The following ZSCAN32 variants were observed in gnomAD, a reference collection of about 807,000 sequenced individuals.
ZSCAN32 encodes zinc finger and SCAN domain containing 32.
Under a neutral mutation model 47.4 loss-of-function variants are expected in ZSCAN32, and 52 were observed. The ratio of observed to expected loss-of-function variants is 1.10; its 90% confidence interval spans 0.88 to 1.38. The LOEUF is 1.38. Among genes scored for constraint, ZSCAN32 ranks in the 40% most tolerant of loss-of-function variants. The probability of loss-of-function intolerance (pLI) is 0.00; values close to 1 mark genes in which losing one functional copy is unlikely to be tolerated. For synonymous variants in ZSCAN32, 346 were observed against 305.7 expected, an observed-to-expected ratio of 1.13 and a Z score of -1.38; for missense variants, 959 against 846.0, an observed-to-expected ratio of 1.13 and a Z score of -1.66.
rs2033497286 is a variant in ZSCAN32, at chr16:3,397,579, C to G, written c.-22G>C. 6.7e-7 allele frequency: 1 copy of G among 1,500,600 alleles called. No homozygotes were observed. Among genetic ancestry groups the G allele is most frequent in the Non-Finnish European group, 8.9e-7 (1 of 1,119,838 alleles). The allele number at this position is 1,500,600 out of a possible 1,614,324, so 93.0% of individuals were successfully genotyped here. A position where few individuals can be genotyped will look rare whatever the true frequency, so the allele number is the denominator to read the frequency against. On this transcript the variant is annotated 5_prime_UTR_variant, in exon 2 of 7. Transcript: ENST00000396852. ...TCATTTGCTTCAACGAACTGGCTTA[C>G]TCTGGTTGCCACTTCTACCCTGGAG...
At position 3,384,772 on chromosome 16, in the gene ZSCAN32, G is replaced by A; in HGVS notation, c.921C>T (p.Arg307=). 4 of 1,614,206 alleles carry A rather than the reference G, an allele frequency of 2.5e-6. No individual in the cohort carries two copies. Among genetic ancestry groups the A allele is most frequent in the Non-Finnish European group, 3.4e-6 (4 of 1,180,042 alleles). The change falls in exon 6 of 7, where the codon CGC becomes CGT. Residue 307 remains arginine (R), a synonymous_variant. Coordinates refer to ENST00000396852, the MANE Select transcript of ZSCAN32 (RefSeq NM_001284527.2). ...QGFLRTPEQC[R]TKFKSLQLSY... is the part of the protein sequence containing the mutation. The stretch of plus-strand genomic sequence containing the variant: ...TCAACTGTAGGCTTTTGAACTTGGT[G>A]CGACACTGTTCTGGGGTCCGCAGAA...
intron 2 of ZSCAN32, among the ~76,000 whole-genome samples, chr16:3,395,041 C>T (rs2033235859): frequency 1.3e-5 from 2 of 152,204 alleles, no homozygotes; most frequent in South Asian, 4.1e-4. Context: ...GTCTGTTTCC[C>T]CCATGGACCG....
chr16:3,399,669 C>G (rs2033703561), intron 1 of ZSCAN32, among the ~76,000 whole-genome samples: 2 of 152,112 alleles, frequency 1.3e-5, no homozygotes, highest in Non-Finnish European at 2.9e-5. Flanking sequence ...TGGTCTCAAA[C>G]TCCTGAACTC....
rs1466388649 is a variant in ZSCAN32, at chr16:3,390,461, G to A, written c.589C>T (p.Gln197Ter). ...GTCCAGACCACAGCACCTGTCTCCT[G>A]GTCGTGGAGACCTGTGTTTTGAGGC... is the stretch of plus-strand genomic sequence containing the variant. ...NLPQNTGLHD[Q>*]ETGAVVWTAG... The change falls in exon 4 of 7, where the codon CAG (glutamine) becomes TAG (stop). Residue 197 changes from glutamine (Q) to a stop codon, truncating the protein, a stop_gained. Coordinates refer to ENST00000396852, the MANE Select transcript of ZSCAN32 (RefSeq NM_001284527.2). LOFTEE classifies it high-confidence loss of function. The A allele has an allele frequency of 2.6e-6, 4 of 1,550,018 alleles. No individual in the cohort carries two copies. The highest frequency in any genetic ancestry group is 3.5e-6 in the Non-Finnish European group (4 of 1,146,964).
At chr16:3,388,847 G>C (rs763504297) in intron 5 of ZSCAN32, among the ~76,000 whole-genome samples, 1 of 152,108 alleles carries the variant, frequency 6.6e-6, no homozygotes, top group Non-Finnish European at 1.5e-5. Flanking sequence ...GCTTGCAGGG[G>C]AAGGACGGGG....
intron 2 of ZSCAN32, among the ~76,000 whole-genome samples, chr16:3,395,720 C>T (rs771974081): frequency 7.8e-4 from 118 of 152,218 alleles, no homozygotes; most frequent in Non-Finnish European, 1.4e-3. Flanking sequence ...GAGTGTGGGC[C>T]GGGCACAATG....
rs566315752 is a variant in ZSCAN32 at position 3,384,792 on chromosome 16, G to A, written c.901C>T (p.Arg301Trp). ...TTGGTGCGACACTGTTCTGGGGTCC[G>A]CAGAAAACCCTGCTCCCAGAGTCCT... ...AEGLWEQGFL[R>W]TPEQCRTKFK... The change falls in exon 6 of 7, where the codon CGG becomes TGG. Residue 301 changes from arginine (R) to tryptophan (W), a missense_variant. Transcript: ENST00000396852. The A allele has an allele frequency of 1.8e-5, 29 of 1,614,168 alleles. No homozygotes were observed. Among genetic ancestry groups the A allele is most frequent in the East Asian group, 4.5e-5 (2 of 44,888 alleles).
Position 3,383,516 on chromosome 16 carries a change from G to A in ZSCAN32, c.1430C>T (p.Pro477Leu), listed in dbSNP as rs2031518711. ...CTGGTGACTCATCTTCTCCTGGGAT[G>A]GGGTTTTCTCCTCACTCTCCCCTGG... ...NSPGESEEKTPSQEKMSHQSF... is the reference protein window; with the variant it reads ...NSPGESEEKTLSQEKMSHQSF... The change falls in exon 7 of 7, where the codon CCA becomes CTA. Residue 477 changes from proline (P) to leucine (L), a missense_variant. Pro to Leu is a moderately conservative substitution (Grantham distance 98). Transcript: ENST00000396852. 6 of 1,613,898 alleles carry A rather than the reference G, an allele frequency of 3.7e-6. No homozygotes were observed. Among genetic ancestry groups the A allele is most frequent in the South Asian group, 1.1e-5 (1 of 91,082 alleles).
intron 6 of ZSCAN32, chr16:3,384,218 T>C: frequency 1.6e-6 from 1 of 606,378 alleles, no homozygotes; most frequent in South Asian, 2.1e-5. Flanking sequence ...CAATGCATAG[T>C]GAAACTCCAT....
At chr16:3,392,644 G>A (rs903193274) in intron 3 of ZSCAN32, among the ~76,000 whole-genome samples, 4 of 152,050 alleles carry the variant, frequency 2.6e-5, no homozygotes, top group Admixed American at 1.3e-4. Context: ...TGGCTAACAC[G>A]ATGAAACGCC....
intron 5 of ZSCAN32, 70 bp from the exon 6 acceptor site, chr16:3,385,011 G>A: frequency 2.0e-6 from 3 of 1,509,872 alleles, no homozygotes; most frequent in Non-Finnish European, 8.8e-7. Flanking sequence ...ACTGCAGTGT[G>A]CAGTTTTGGC....
intron 2 of ZSCAN32, among the ~76,000 whole-genome samples, chr16:3,394,854 G>C (rs1008421484): frequency 5.3e-5 from 8 of 151,942 alleles, no homozygotes; most frequent in Non-Finnish European, 1.0e-4. Flanking sequence ...CCTCTGTCTG[G>C]AGTACTCTCC....
chr16:3,383,076 G>T lies in ZSCAN32; in HGVS notation c.1870C>A (p.Arg624=), dbSNP rs371988668. Residue 624 remains arginine, a synonymous_variant, in exon 7 of 7, where the codon CGG becomes AGG. Transcript: ENST00000396852. ...GGGCTCTCCCCAGTGTGGATGCGCC[G>T]GTGAGCACTGAACTGGGAACTGTTG... ...FNNSSQFSAH[R]RIHTGESPYK... The T allele has an allele frequency of 1.4e-5, 22 of 1,613,994 alleles. No individual in the cohort carries two copies. The African/African-American group carries it at 2.5e-4, about 19-fold the overall frequency.
intron 1 of ZSCAN32, among the ~76,000 whole-genome samples, chr16:3,399,472 G>A (rs2033682009): frequency 6.6e-6 from 1 of 152,162 alleles, no homozygotes; most frequent in Non-Finnish European, 1.5e-5. Context: ...CTGTTTACAA[G>A]AGGACAATAT....
chr16:3,395,056 C>T (rs1255730188), intron 2 of ZSCAN32, among the ~76,000 whole-genome samples: 1 of 152,214 alleles, frequency 6.6e-6, no homozygotes, highest in Non-Finnish European at 1.5e-5. Context: ...GGACCGCGGG[C>T]TCCAGCAGGC....
chr16:3,393,217 T>TAGAA (rs2032978997), intron 3 of ZSCAN32, among the ~76,000 whole-genome samples: 1 of 14,524 alleles, frequency 6.9e-5, no homozygotes, highest in African/African-American at 4.5e-4. Flanking sequence ...TTTATATATA[T>TAGAA]ATATATATAT....
intron 1 of ZSCAN32, among the ~76,000 whole-genome samples, chr16:3,399,610 T>C (rs1485448656): frequency 6.6e-6 from 1 of 152,154 alleles, no homozygotes; most frequent in African/African-American, 2.4e-5. Context: ...AAAATAATTT[T>C]ATTTGTTTTT....
chr16:3,395,688 G>C (rs2033306301), intron 2 of ZSCAN32, among the ~76,000 whole-genome samples: 1 of 152,158 alleles, frequency 6.6e-6, no homozygotes, highest in South Asian at 2.1e-4. Context: ...ATACACTCCT[G>C]CACTGTTTTC....
At chr16:3,387,735 C>T (rs1184253587) in intron 5 of ZSCAN32, among the ~76,000 whole-genome samples, 2 of 152,222 alleles carry the variant, frequency 1.3e-5, no homozygotes, top group African/African-American at 4.8e-5. Flanking sequence ...ACCCAACAGC[C>T]AGAGGGAGTC....
Sources: allele counts gnomAD v4.1 joint callset (sites outside exome capture counted in the v4.1 genomes callset), GRCh38; gene constraint gnomAD v4.1.1; transcripts MANE v1.5; gene names NCBI Gene and HGNC (gene_info 2026-07-23, HGNC 2026-07-21).